The following CLCN7 variants were observed in gnomAD, a reference collection of about 807,000 sequenced individuals.
CLCN7 encodes the protein H(+)/Cl(-) exchange transporter 7.
CLCN7 carries 60 observed loss-of-function variants against 102.1 expected under a neutral mutation model. That is an observed-to-expected ratio of 0.59 (90% CI 0.48 to 0.73). The LOEUF (loss-of-function observed/expected upper bound fraction) is 0.73. Ranked by LOEUF, CLCN7 falls within the 30% of genes least tolerant of loss-of-function variation. The probability of loss-of-function intolerance (pLI) is 0.00; values close to 1 mark genes in which losing one functional copy is unlikely to be tolerated. For missense variants in CLCN7, 962 were observed against 1,125.7 expected (o/e 0.85, Z 2.08); for synonymous variants, 560 against 490.5 (o/e 1.14, Z -1.87).
At chr16:1,447,866 G>T in intron 21 of CLCN7, 152 bp from the exon 22 acceptor site, 2 of 843,590 alleles carry the variant, frequency 2.4e-6, no homozygotes, top group Non-Finnish European at 3.8e-6. Context: ...CACCAGCCTC[G>T]CCATGGCATC....
intron 5 of CLCN7, 35 bp from the exon 6 acceptor site, chr16:1,460,562 G>C: frequency 6.5e-7 from 1 of 1,542,222 alleles, no homozygotes; most frequent in Non-Finnish European, 9.0e-7. Context: ...CTGCTTCCCC[G>C]TCATGACCAC....
rs751737132 is a variant in CLCN7 at position 1,452,744 on chromosome 16, C to T, written c.1353+11G>A. 2 of 1,585,458 alleles carry T rather than the reference C, an allele frequency of 1.3e-6. No homozygotes were observed. Among genetic ancestry groups the T allele is most frequent in the South Asian group, 2.3e-5 (2 of 87,614 alleles). On this transcript the variant is annotated intron_variant, in intron 15 of 24. Coordinates refer to ENST00000382745, the MANE Select transcript of CLCN7 (RefSeq NM_001287.6). ...CTGCCTGCTGGACCCCGCCCGGGCC[C>T]AGCCTCCCACCTGCAGCGGGTAGGA...
chr16:1,446,200 T>C lies in CLCN7; in HGVS notation c.*431A>G. 1 of 619,690 alleles carries C rather than the reference T, an allele frequency of 1.6e-6. No homozygotes were observed. The highest frequency in any genetic ancestry group is 2.7e-5 in the East Asian group (1 of 36,832). 38.4% of individuals were successfully genotyped at this position (619,690 alleles called of 1,614,324 possible). On this transcript the variant is annotated 3_prime_UTR_variant, in exon 25 of 25. Coordinates refer to ENST00000382745, the MANE Select transcript of CLCN7 (RefSeq NM_001287.6). ...AGCTCCCAAGTCTCGAAGACTCCAC[T>C]GGTGTGGAGGCAGAGGGGCCCTTCC...
chr16:1,461,882 C>T (rs927709413), intron 2 of CLCN7, among the ~76,000 whole-genome samples: 6 of 151,862 alleles, frequency 4.0e-5, no homozygotes, highest in African/African-American at 9.7e-5. Context: ...GTCAGGAGTT[C>T]GAGACCAGCC....
At chr16:1,462,901 C>T (rs1435291530) in intron 2 of CLCN7, among the ~76,000 whole-genome samples, 2 of 152,080 alleles carry the variant, frequency 1.3e-5, no homozygotes, top group East Asian at 1.9e-4. Flanking sequence ...TGGCTGACAG[C>T]TATAATCCCA....
chr16:1,459,614 C>A (rs1236450792), intron 6 of CLCN7, among the ~76,000 whole-genome samples: 1 of 44,922 alleles, frequency 2.2e-5, no homozygotes, highest in Non-Finnish European at 4.4e-5. Context: ...ACTTCGGGGC[C>A]CCAGGGAAGG....
rs572704611 is a variant in CLCN7, at chr16:1,449,884, C to T, written c.1618-557G>A. On this transcript the variant is annotated intron_variant, in intron 17 of 24. Transcript: ENST00000382745. ...TCATGTTTCAATTTTAAAAACCAAA[C>T]CAAACCCTTGTGCGGAGGGAGATGG... 32 of 182,918 alleles carry T rather than the reference C, an allele frequency of 1.7e-4. No homozygotes were observed. The South Asian group carries it at 3.6e-3, about 21-fold the overall frequency. The allele number at this position is 182,918 out of a possible 1,614,324, so 11.3% of individuals were successfully genotyped here.
At chr16:1,451,231 A>G (rs1489942607) in intron 16 of CLCN7, among the ~76,000 whole-genome samples, 1 of 152,044 alleles carries the variant, frequency 6.6e-6, no homozygotes, top group East Asian at 1.9e-4. Flanking sequence ...TTTTTGAGAG[A>G]GGGTCTCGCT....
At chr16:1,461,755 C>T in intron 2 of CLCN7, 81 bp from the exon 3 acceptor site, 1 of 1,167,262 alleles carries the variant, frequency 8.6e-7, no homozygotes, top group Non-Finnish European at 1.3e-6. Context: ...ACACACGAGG[C>T]CATTATCATC....
intron 12 of CLCN7, among the ~76,000 whole-genome samples, chr16:1,454,828 T>C (rs1596217829): frequency 6.6e-6 from 1 of 152,078 alleles, no homozygotes; most frequent in South Asian, 2.1e-4. Context: ...CCCTGGAAAC[T>C]AGGCCTGAGC....
intron 1 of CLCN7, among the ~76,000 whole-genome samples, chr16:1,465,711 C>G (rs576963485): frequency 6.6e-6 from 1 of 152,338 alleles, no homozygotes; most frequent in Non-Finnish European, 1.5e-5. Flanking sequence ...ACCCTGCTCC[C>G]GAGGCCCTGC....
chr16:1,473,984 T>C (rs1044151827), intron 1 of CLCN7, among the ~76,000 whole-genome samples: 1 of 151,850 alleles, frequency 6.6e-6, no homozygotes, highest in African/African-American at 2.4e-5. Context: ...CTCAGGAGGC[T>C]GAGGCAGGAG....
intron 1 of CLCN7, chr16:1,474,129 T>C (rs1037276590): frequency 5.7e-5 from 26 of 454,694 alleles, no homozygotes; most frequent in Non-Finnish European, 1.0e-4. Flanking sequence ...GGGAAACAAA[T>C]GTACCCGCAA....
At chr16:1,469,992 G>A (rs931429126) in intron 1 of CLCN7, among the ~76,000 whole-genome samples, 1 of 152,256 alleles carries the variant, frequency 6.6e-6, no homozygotes, top group African/African-American at 2.4e-5. Flanking sequence ...CTCGCAAGAG[G>A]GCCCTGGAGC....
chr16:1,448,821 C>T (rs566605213), intron 19 of CLCN7, 55 bp from the exon 20 acceptor site: 2 of 1,600,008 alleles, frequency 1.2e-6, no homozygotes, highest in Admixed American at 3.3e-5. Flanking sequence ...CCCCTGGAGC[C>T]CCGAGCCTAC....
chr16:1,470,343 A>T (rs1008642761), intron 1 of CLCN7, among the ~76,000 whole-genome samples: 10 of 152,164 alleles, frequency 6.6e-5, no homozygotes, highest in East Asian at 3.9e-4. Context: ...AGTTTTTTTT[A>T]AAACTTAAAG....
At chr16:1,452,382 C>T (rs558091790) in intron 15 of CLCN7, 13 of 305,514 alleles carry the variant, frequency 4.3e-5, no homozygotes, top group African/African-American at 1.3e-4. Flanking sequence ...GATGGACGCA[C>T]GGACGGCGGT....
chr16:1,452,360 T>C (rs2038765273), intron 15 of CLCN7: 1 of 272,120 alleles, frequency 3.7e-6, no homozygotes, highest in Non-Finnish European at 7.2e-6. Context: ...AGGGCAACCG[T>C]GTCACAGTGC....
chr16:1,454,500 G>C (rs769163733), intron 12 of CLCN7, 35 bp from the exon 13 acceptor site: 1 of 1,595,358 alleles, frequency 6.3e-7, no homozygotes, highest in Non-Finnish European at 8.6e-7. Context: ...GAGGATGTGA[G>C]GGAAAAGGCC....
Sources: allele counts gnomAD v4.1 joint callset (sites outside exome capture counted in the v4.1 genomes callset), GRCh38; gene constraint gnomAD v4.1.1; transcripts MANE v1.5; gene names NCBI Gene and HGNC (gene_info 2026-07-23, HGNC 2026-07-21).